The following DNER variants were observed in gnomAD, a reference collection of about 807,000 sequenced individuals.
DNER encodes the protein delta and Notch-like epidermal growth factor-related receptor.
In DNER, 33 loss-of-function variants were observed where a neutral mutation model predicts 78.2. The observed-to-expected ratio is 0.42, with a 90% CI of 0.32 to 0.56. The LOEUF is 0.56. Ranked by LOEUF, DNER falls within the 20% of genes least tolerant of loss-of-function variation. The pLI is 0.11. For synonymous variants in DNER, 417 were observed against 384.8 expected, an observed-to-expected ratio of 1.08 and a Z score of -0.98; for missense variants, 918 against 975.3, an observed-to-expected ratio of 0.94 and a Z score of 0.78.
intron 6 of DNER, among the ~76,000 whole-genome samples, chr2:229,503,740 G>C (rs1695675202): frequency 6.6e-6 from 1 of 152,010 alleles, no homozygotes; most frequent in Non-Finnish European, 1.5e-5. Flanking sequence ...CTTTTTTGTT[G>C]CTTGTTTGCT....
intron 9 of DNER, among the ~76,000 whole-genome samples, chr2:229,408,629 A>ACC (rs1236083016): frequency 6.6e-6 from 1 of 152,138 alleles, no homozygotes; most frequent in Non-Finnish European, 1.5e-5. Context: ...GGACTGCCAC[A>ACC]CCCAATGACT....
At chr2:229,702,316 C>G (rs1559214675) in intron 1 of DNER, among the ~76,000 whole-genome samples, 1 of 152,040 alleles carries the variant, frequency 6.6e-6, no homozygotes, top group Non-Finnish European at 1.5e-5. Context: ...GGGAGGATCA[C>G]TTGAGCCCAG....
intron 11 of DNER, among the ~76,000 whole-genome samples, chr2:229,387,893 T>TGTGTGTGTGTGTGTGTG (rs3222719): frequency 1.8e-4 from 13 of 71,886 alleles, no homozygotes; most frequent in African/African-American, 5.4e-4. Context: ...GTGTGTGTGT[T>TGTGTGTGTGTGTGTGTG]TTTTAATTTT....
rs1446803854 is a variant in DNER at position 229,447,843 on chromosome 2, C to A, written c.1262-303G>T. 3.9e-5 allele frequency among the ~76,000 whole-genome samples: 6 copies of A among 152,140 alleles called. No individual in the cohort carries two copies. The East Asian group carries it at 1.2e-3, about 29-fold the overall frequency. ...ATGTGTATATGAACATGTGTGTATA[C>A]TCTAGAAATATATCAAAAATAAATT... On this transcript the variant is annotated intron_variant, in intron 7 of 12. Coordinates refer to ENST00000341772, the MANE Select transcript of DNER (RefSeq NM_139072.4).
At chr2:229,406,710 A>AC (rs991029839) in intron 10 of DNER, among the ~76,000 whole-genome samples, 1 of 151,706 alleles carries the variant, frequency 6.6e-6, no homozygotes, top group Non-Finnish European at 1.5e-5. Flanking sequence ...TTAGGCTGGA[A>AC]CCCCCAATCT....
intron 1 of DNER, among the ~76,000 whole-genome samples, chr2:229,613,998 G>A (rs993600758): frequency 2.0e-5 from 3 of 150,600 alleles, no homozygotes; most frequent in Non-Finnish European, 4.4e-5. Context: ...GACACAGGAA[G>A]GGGAATATCA....
intron 6 of DNER, among the ~76,000 whole-genome samples, chr2:229,495,177 C>T (rs1695473756): frequency 6.6e-6 from 1 of 152,204 alleles, no homozygotes; most frequent in Non-Finnish European, 1.5e-5. Flanking sequence ...CCTTTCAACA[C>T]TTTGCTTGGA....
chr2:229,475,705 G>C (rs1047136771), intron 7 of DNER, among the ~76,000 whole-genome samples: 1 of 152,166 alleles, frequency 6.6e-6, no homozygotes, highest in Non-Finnish European at 1.5e-5. Flanking sequence ...TATTACCAGT[G>C]TGATTTTGTG....
rs185186634 is a variant in DNER at position 229,702,223 on chromosome 2, T to C, written c.276+11925A>G. ...TAAACTGCATACTTGGTTTGAATTC[T>C]TGTTAGCAATAAATAAATAAATGAT... On this transcript the variant is annotated intron_variant, in intron 1 of 12. Coordinates refer to ENST00000341772, the MANE Select transcript of DNER (RefSeq NM_139072.4). 449 of 154,360 alleles carry C rather than the reference T, an allele frequency of 2.9e-3. 3 individuals carry two copies. The highest frequency in any genetic ancestry group is 4.2e-3 in the Non-Finnish European group (291 of 69,092). The allele number at this position is 154,360 out of a possible 1,614,324, so 9.6% of individuals were successfully genotyped here.
At chr2:229,467,528 G>A (rs112167898) in intron 7 of DNER, among the ~76,000 whole-genome samples, 37 of 152,158 alleles carry the variant, frequency 2.4e-4, no homozygotes, top group Admixed American at 6.5e-4. Context: ...TCAGAGCCTC[G>A]ACCTGAATAG....
At chr2:229,518,267 T>G (rs190272558) in intron 5 of DNER, among the ~76,000 whole-genome samples, 1 of 152,350 alleles carries the variant, frequency 6.6e-6, no homozygotes, top group Admixed American at 6.5e-5. Flanking sequence ...CCAACATGTA[T>G]TCAATAATTC....
intron 1 of DNER, among the ~76,000 whole-genome samples, chr2:229,624,869 T>A (rs1398191576): frequency 6.6e-6 from 1 of 152,206 alleles, no homozygotes; most frequent in East Asian, 1.9e-4. Context: ...TCCCTCTTAA[T>A]TTTCCTGCTG....
At chr2:229,525,250 A>C (rs1359639931) in intron 5 of DNER, among the ~76,000 whole-genome samples, 1 of 152,216 alleles carries the variant, frequency 6.6e-6, no homozygotes, top group Non-Finnish European at 1.5e-5. Context: ...CAGTCTTCAC[A>C]TCAACTTTCC....
chr2:229,468,481 G>T (rs1030823277), intron 7 of DNER, among the ~76,000 whole-genome samples: 1 of 152,182 alleles, frequency 6.6e-6, no homozygotes, highest in African/African-American at 2.4e-5. Context: ...AGGTAATCTG[G>T]CTCAACCAGT....
chr2:229,547,822 A>G (rs572812423), intron 4 of DNER, among the ~76,000 whole-genome samples: 10 of 152,366 alleles, frequency 6.6e-5, no homozygotes, highest in African/African-American at 2.4e-4. Context: ...TAGAGCAGCT[A>G]TTCATACATA....
chr2:229,485,817 A>G (rs546724979), intron 6 of DNER, among the ~76,000 whole-genome samples: 1 of 148,802 alleles, frequency 6.7e-6, no homozygotes, highest in Admixed American at 6.7e-5. Flanking sequence ...CTACTGAAAT[A>G]ATAAAAAAAA....
intron 1 of DNER, among the ~76,000 whole-genome samples, chr2:229,595,034 G>A (rs1268659726): frequency 6.8e-6 from 1 of 147,086 alleles, no homozygotes; most frequent in African/African-American, 2.5e-5. Context: ...CCTAGTACAA[G>A]CACTAAAAGT....
chr2:229,559,588 C>T (rs987825123), intron 4 of DNER, among the ~76,000 whole-genome samples: 1 of 151,932 alleles, frequency 6.6e-6, no homozygotes, highest in Non-Finnish European at 1.5e-5. Flanking sequence ...GGACTCTACA[C>T]AGCTCAACTC....
intron 8 of DNER, among the ~76,000 whole-genome samples, chr2:229,440,490 C>T (rs536147835): frequency 1.3e-5 from 2 of 152,292 alleles, no homozygotes; most frequent in African/African-American, 4.8e-5. Flanking sequence ...CCACTACTAC[C>T]TCCAACCTCA....
Sources: allele counts gnomAD v4.1 joint callset (sites outside exome capture counted in the v4.1 genomes callset), GRCh38; gene constraint gnomAD v4.1.1; transcripts MANE v1.5; gene names NCBI Gene and HGNC (gene_info 2026-07-23, HGNC 2026-07-21).